The following MARK2 variants were observed in gnomAD, a reference collection of about 807,000 sequenced individuals.
MARK2 encodes serine/threonine-protein kinase MARK2.
MARK2 carries 16 observed loss-of-function variants against 89.8 expected under a neutral mutation model. The observed-to-expected ratio is 0.18, with a 90% CI of 0.12 to 0.27. The LOEUF (loss-of-function observed/expected upper bound fraction) is 0.27. MARK2 is among the 10% of genes least tolerant of loss of function. The pLI is 1.00. For missense variants in MARK2, 621 were observed against 1,049.9 expected (o/e 0.59, Z 5.65); for synonymous variants, 382 against 399.5 (o/e 0.96, Z 0.52).
intron 1 of MARK2, among the ~76,000 whole-genome samples, chr11:63,870,008 A>G (rs1938357202): frequency 6.6e-6 from 1 of 152,224 alleles, no homozygotes; most frequent in South Asian, 2.1e-4. Context: ...GGTGACATAA[A>G]TTGTTTGCGC....
At chr11:63,871,098 T>TTG (rs1300881920) in intron 1 of MARK2, among the ~76,000 whole-genome samples, 2 of 152,062 alleles carry the variant, frequency 1.3e-5, no homozygotes, top group Non-Finnish European at 2.9e-5. Context: ...TCAGTTATGT[T>TTG]TGTGTGTGTG....
chr11:63,883,757 T>C (rs1367865839), intron 1 of MARK2, among the ~76,000 whole-genome samples: 6 of 152,048 alleles, frequency 3.9e-5, no homozygotes, highest in Non-Finnish European at 5.9e-5. Flanking sequence ...GGCTAATTTT[T>C]GTGTTTTTTT....
chr11:63,871,873 G>T (rs994334189), intron 1 of MARK2, among the ~76,000 whole-genome samples: 5 of 148,458 alleles, frequency 3.4e-5, no homozygotes, highest in East Asian at 2.0e-4. Flanking sequence ...GCAGGTGTGG[G>T]TGAAGAGTAT....
intron 1 of MARK2, among the ~76,000 whole-genome samples, chr11:63,889,962 A>G (rs948009083): frequency 6.6e-6 from 1 of 152,152 alleles, no homozygotes; most frequent in Non-Finnish European, 1.5e-5. Context: ...GCCAGGTCCT[A>G]TTGAGTTGGC....
intron 1 of MARK2, among the ~76,000 whole-genome samples, chr11:63,864,710 T>A (rs999470495): frequency 6.6e-6 from 1 of 151,676 alleles, no homozygotes; most frequent in African/African-American, 2.4e-5. Context: ...TGCCCTTGAT[T>A]AAGGTATCAC....
In MARK2 at chr11:63,895,604, A is replaced by T. The variant is rs1449043730; in HGVS notation, c.259A>T (p.Thr87Ser). The change falls in exon 3 of 19, where the codon ACT becomes TCT. Residue 87 changes from threonine (T) to serine (S), a missense_variant. This residue lies in a region of MARK2 where 82 missense variants were observed against 287.7 expected (regional missense o/e 0.29). Transcript: ENST00000402010. ...KEVAVKIIDKTQLNSSSLQKL... is the reference protein window; with the variant it reads ...KEVAVKIIDKSQLNSSSLQKL... The stretch of plus-strand genomic sequence containing the variant: ...GGTAGCTGTGAAGATCATTGACAAG[A>T]CTCAACTGAACTCCTCCAGCCTCCA... The T allele has an allele frequency of 6.2e-7, 1 of 1,610,032 alleles. No individual in the cohort carries two copies. The highest frequency in any genetic ancestry group is 8.5e-7 in the Non-Finnish European group (1 of 1,179,512).
intron 1 of MARK2, among the ~76,000 whole-genome samples, chr11:63,845,554 C>T (rs1000273488): frequency 1.3e-5 from 2 of 152,154 alleles, no homozygotes; most frequent in Non-Finnish European, 2.9e-5. Context: ...TCCCTTCTGT[C>T]TCTGCAAAGG....
rs779235042 is a variant in MARK2, at chr11:63,904,015, C to T, written c.1544C>T (p.Thr515Met). 58 of 1,609,256 alleles carry T rather than the reference C, an allele frequency of 3.6e-5. No homozygotes were observed. Among genetic ancestry groups the T allele is most frequent in the Non-Finnish European group, 4.6e-5 (54 of 1,179,030 alleles). ...ACCATGCCAGGGTCCCGGGCCTCCA[C>T]GGCTTCTGCTTCTGCCGCAGTCTCT... is the stretch of plus-strand genomic sequence containing the variant. ...SLTMPGSRAS[T>M]ASASAAVSAA... Residue 515 changes from threonine to methionine, a missense_variant, in exon 15 of 19, where the codon ACG becomes ATG. Around this residue, in one of 5 missense-constraint regions of MARK2, gnomAD observed 397 missense variants for 567.8 expected, o/e 0.70. Coordinates refer to ENST00000402010, the MANE Select transcript of MARK2 (RefSeq NM_001039469.3). This position sits in a 1 kb window ranked among gnomAD's most constrained non-coding sequence, Gnocchi z 6.3.
chr11:63,878,166 TCTC>T (rs1404858853), intron 1 of MARK2, among the ~76,000 whole-genome samples: 3 of 152,116 alleles, frequency 2.0e-5, no homozygotes, highest in African/African-American at 7.2e-5. Flanking sequence ...GGTTGTCTTT[TCTC>T]CTCTAGCTGG....
In MARK2 at chr11:63,910,794, C is replaced by G. The variant is rs188361605; in HGVS notation, c.*1557C>G. The G allele has an allele frequency of 6.6e-6, 1 of 152,282 alleles. No homozygotes were observed. Among genetic ancestry groups the G allele is most frequent in the Non-Finnish European group, 1.5e-5 (1 of 68,108 alleles). The allele number at this position is 152,282 out of a possible 1,614,324, so 9.4% of individuals were successfully genotyped here. ...GCCCTCCTGCCCCACACTCCTACTG[C>G]GGCTCAGACCAAGGGCTCCCCCTCC... On this transcript the variant is annotated 3_prime_UTR_variant, in exon 19 of 19. Coordinates refer to ENST00000402010, the MANE Select transcript of MARK2 (RefSeq NM_001039469.3).
intron 1 of MARK2, among the ~76,000 whole-genome samples, chr11:63,888,193 C>T (rs538439318): frequency 2.0e-4 from 30 of 152,212 alleles, no homozygotes; most frequent in African/African-American, 6.0e-4. Context: ...GAGGTCCGTC[C>T]GCCACTGTCA....
In MARK2 at chr11:63,900,023, T is replaced by C. The variant is rs1427648090; in HGVS notation, c.681T>C (p.Asp227=). The stretch of plus-strand genomic sequence containing the variant: ...AACTCTTCCAGGGCAAAAAATATGA[T>C]GGACCCGAGGTGGATGTGTGGAGCC... The part of the protein sequence containing the change: ...APELFQGKKY[D]GPEVDVWSLG... Residue 227 remains aspartate, a synonymous_variant, in exon 8 of 19, where the codon GAT becomes GAC. Coordinates refer to ENST00000402010, the MANE Select transcript of MARK2 (RefSeq NM_001039469.3). The surrounding 1 kb of genome is among the most constrained non-coding windows in gnomAD (Gnocchi z 4.7). 4 of 1,614,078 alleles carry C rather than the reference T, an allele frequency of 2.5e-6. No individual in the cohort carries two copies. The highest frequency in any genetic ancestry group is 1.3e-5 in the African/African-American group (1 of 74,932).
chr11:63,875,227 TCTC>T (rs1172944976), intron 1 of MARK2, among the ~76,000 whole-genome samples: 1 of 147,912 alleles, frequency 6.8e-6, no homozygotes, highest in Non-Finnish European at 1.5e-5. Flanking sequence ...TTCAAGCGAT[TCTC>T]CTGCCTCAGC....
At position 63,909,141 on chromosome 11, in the gene MARK2, GCT is replaced by G; in HGVS notation, c.2279_2280del (p.Leu760GlnfsTer6). The part of the protein sequence containing the change: ...WEMEVCKLPR[L>X]SLNGVRFKRI... ...AGATGGAGGTGTGCAAACTGCCGCGGCTCTCTCTCAACGGGGTTCGATTTAAG... is the reference window on the plus strand; with the variant it reads ...AGATGGAGGTGTGCAAACTGCCGCGGCTCTCTCAACGGGGTTCGATTTAAG... On this transcript the variant is annotated frameshift_variant, in exon 19 of 19. Coordinates refer to ENST00000402010, the MANE Select transcript of MARK2 (RefSeq NM_001039469.3). LOFTEE classifies it high-confidence loss of function. 6.2e-7 allele frequency: 1 copy of G among 1,613,974 alleles called. No homozygotes were observed. Among genetic ancestry groups the G allele is most frequent in the Non-Finnish European group, 8.5e-7 (1 of 1,179,908 alleles).
intron 1 of MARK2, among the ~76,000 whole-genome samples, chr11:63,876,806 C>G (rs961078639): frequency 2.0e-5 from 3 of 152,154 alleles, no homozygotes; most frequent in Admixed American, 6.5e-5. Flanking sequence ...TTCCCTTGTC[C>G]ACAGTCTGTG....
chr11:63,875,308 A>G (rs1034740633), intron 1 of MARK2, among the ~76,000 whole-genome samples: 1 of 151,708 alleles, frequency 6.6e-6, no homozygotes, highest in Admixed American at 6.6e-5. Flanking sequence ...TTTAGTAGAG[A>G]TGGGGTTACA....
In MARK2 at chr11:63,895,519, T is replaced by C. The variant is rs994818481; in HGVS notation, c.235-61T>C. ...TAAGAAATATAAAGGAGGAAGTAGA[T>C]TGGAATCCTGGGTTTCGCTGGTCAG... On this transcript the variant is annotated intron_variant, in intron 2 of 18. Transcript: ENST00000402010. The C allele has an allele frequency of 4.6e-6, 7 of 1,520,040 alleles. No individual in the cohort carries two copies. The African/African-American group carries it at 6.9e-5, about 15-fold the overall frequency. The allele number at this position is 1,520,040 out of a possible 1,614,324, so 94.2% of individuals were successfully genotyped here.
At chr11:63,880,897 C>T (rs1022163976) in intron 1 of MARK2, among the ~76,000 whole-genome samples, 1 of 152,164 alleles carries the variant, frequency 6.6e-6, no homozygotes, top group Non-Finnish European at 1.5e-5. Context: ...TCAGTTGGTC[C>T]CAGAGACCGT....
chr11:63,900,927 C>T lies in MARK2; in HGVS notation c.989-30C>T. On this transcript the variant is annotated intron_variant, in intron 10 of 18. Coordinates refer to ENST00000402010, the MANE Select transcript of MARK2 (RefSeq NM_001039469.3). The surrounding 1 kb of genome is among the most constrained non-coding windows in gnomAD (Gnocchi z 4.7). ...GGTTAAGCTTGCCTAGGAGTTGAGG[C>T]CAGTCTTAACTGTATGTCCCCCTGT... The T allele has an allele frequency of 6.2e-7, 1 of 1,609,590 alleles. No homozygotes were observed. The highest frequency in any genetic ancestry group is 8.5e-7 in the Non-Finnish European group (1 of 1,175,806).
Sources: allele counts gnomAD v4.1 joint callset (sites outside exome capture counted in the v4.1 genomes callset), GRCh38; gene constraint gnomAD v4.1.1; regional missense constraint gnomAD v4.1.1; non-coding constraint Gnocchi (gnomAD v3.1); transcripts MANE v1.5; gene names NCBI Gene and HGNC (gene_info 2026-07-23, HGNC 2026-07-21).